Variants in DIP2C observed in about 807,000 individuals in gnomAD.
DIP2C encodes DIP2 acetate--CoA ligase C (putative).
Under a neutral mutation model 192.4 loss-of-function variants are expected in DIP2C, and 33 were observed. That is an observed-to-expected ratio of 0.17 (90% CI 0.13 to 0.23). The LOEUF (loss-of-function observed/expected upper bound fraction) is 0.23. Among genes scored for constraint, DIP2C ranks in the 10% least tolerant of loss-of-function variants. The pLI is 1.00. For synonymous variants in DIP2C, 979 were observed against 864.1 expected (o/e 1.13, Z -2.33); for missense variants, 1,537 against 2,110.1 (o/e 0.73, Z 5.32).
At chr10:551,278 C>T (rs901821082) in intron 1 of DIP2C, among the ~76,000 whole-genome samples, 1 of 152,102 alleles carries the variant, frequency 6.6e-6, no homozygotes, top group Non-Finnish European at 1.5e-5. Context: ...GCCCTGGCTG[C>T]CGCCCACCCC....
chr10:282,724 T>C (rs1954899271), intron 35 of DIP2C, among the ~76,000 whole-genome samples: 1 of 152,242 alleles, frequency 6.6e-6, no homozygotes, highest in Admixed American at 6.5e-5. Context: ...ACCTGGCTGC[T>C]CCACACCAGG....
chr10:655,117 G>A (rs1029688957), intron 1 of DIP2C, among the ~76,000 whole-genome samples: 1 of 152,090 alleles, frequency 6.6e-6, no homozygotes, highest in African/African-American at 2.4e-5. Context: ...GGAATGGGGT[G>A]GAGCCACCAG....
intron 14 of DIP2C, 95 bp from the exon 15 acceptor site, chr10:384,734 G>C (rs1051346159): frequency 8.0e-7 from 1 of 1,251,720 alleles, no homozygotes. Flanking sequence ...CGCACGGGCA[G>C]GGGGGAGCTC....
At chr10:369,901 C>CT in intron 17 of DIP2C, 2 of 1,358,942 alleles carry the variant, frequency 1.5e-6, no homozygotes, top group South Asian at 1.5e-5. Flanking sequence ...CTCCTGCCCC[C>CT]TCTATGCAGG....
At chr10:297,612 G>C (rs1452971686) in intron 32 of DIP2C, among the ~76,000 whole-genome samples, 1 of 152,206 alleles carries the variant, frequency 6.6e-6, no homozygotes, top group African/African-American at 2.4e-5. Context: ...ATATGTGGAA[G>C]CTAAAGAAAG....
In DIP2C at chr10:551,539, C is replaced by A. The variant is rs552320776; in HGVS notation, c.86-65009G>T. On this transcript the variant is annotated intron_variant, in intron 1 of 36. Transcript: ENST00000280886. The stretch of plus-strand genomic sequence containing the variant: ...TCAAGAGGAAGGAGGCCTCGGTGCA[C>A]AAACCCACAAGTGCCTTCCCTCCTG... 5.3e-3 allele frequency among the ~76,000 whole-genome samples: 803 copies of A among 152,352 alleles called. 9 individuals are homozygous for A. Among genetic ancestry groups the A allele is most frequent in the African/African-American group, 0.018 (754 of 41,584 alleles).
intron 31 of DIP2C, among the ~76,000 whole-genome samples, chr10:313,632 G>A (rs1249751371): frequency 2.0e-5 from 3 of 152,224 alleles, no homozygotes; most frequent in Non-Finnish European, 4.4e-5. Context: ...TGCAAATGCT[G>A]CGCCATTTTC....
chr10:346,633 A>G (rs1958482977), intron 26 of DIP2C, among the ~76,000 whole-genome samples: 1 of 141,646 alleles, frequency 7.1e-6, no homozygotes, highest in African/African-American at 2.7e-5. Context: ...CGGGAACCCC[A>G]CACTCACCCA....
At chr10:460,412 A>G (rs1441006550) in intron 3 of DIP2C, among the ~76,000 whole-genome samples, 1 of 152,244 alleles carries the variant, frequency 6.6e-6, no homozygotes, top group Non-Finnish European at 1.5e-5. Flanking sequence ...CTATTTATAA[A>G]GAGAAGATAT....
intron 1 of DIP2C, among the ~76,000 whole-genome samples, chr10:531,500 C>T (rs1564823458): frequency 6.6e-6 from 1 of 152,082 alleles, no homozygotes; most frequent in Non-Finnish European, 1.5e-5. Flanking sequence ...TGCAAAGAAT[C>T]GAGGTATCAT....
At chr10:583,048 A>T (rs1425050640) in intron 1 of DIP2C, among the ~76,000 whole-genome samples, 1 of 152,204 alleles carries the variant, frequency 6.6e-6, no homozygotes, top group Non-Finnish European at 1.5e-5. Flanking sequence ...ACATATTTTC[A>T]CATGTATTAC....
At chr10:422,317 G>A (rs1966246321) in intron 5 of DIP2C, among the ~76,000 whole-genome samples, 1 of 152,148 alleles carries the variant, frequency 6.6e-6, no homozygotes, top group Non-Finnish European at 1.5e-5. Context: ...TCCACAGCAT[G>A]TTCAAACGTC....
chr10:301,421 C>T (rs1956041415), intron 32 of DIP2C, among the ~76,000 whole-genome samples: 1 of 152,010 alleles, frequency 6.6e-6, no homozygotes, highest in Admixed American at 6.6e-5. Context: ...TGGAGGGGGT[C>T]AGGAGAAAAG....
chr10:671,590 G>A (rs1436193550), intron 1 of DIP2C, among the ~76,000 whole-genome samples: 4 of 74,958 alleles, frequency 5.3e-5, no homozygotes, highest in African/African-American at 2.4e-4. Flanking sequence ...CGGAGGAAAC[G>A]TCACAGACGC....
intron 32 of DIP2C, among the ~76,000 whole-genome samples, chr10:304,766 TAC>T (rs891347575): frequency 3.5e-5 from 5 of 144,860 alleles, no homozygotes; most frequent in African/African-American, 5.1e-5. Flanking sequence ...AACAGTACAC[TAC>T]ACTCACACAT....
intron 24 of DIP2C, among the ~76,000 whole-genome samples, chr10:351,837 T>G (rs1036284376): frequency 6.6e-6 from 1 of 152,184 alleles, no homozygotes; most frequent in Non-Finnish European, 1.5e-5. Flanking sequence ...CAACGTCCTC[T>G]GAGCTCTTCA....
intron 32 of DIP2C, among the ~76,000 whole-genome samples, chr10:295,987 T>C (rs1955736275): frequency 6.6e-6 from 1 of 152,236 alleles, no homozygotes; most frequent in African/African-American, 2.4e-5. Flanking sequence ...TTCTTGTAAA[T>C]TTGTTTAAGT....
Position 624,530 on chromosome 10 carries a change from C to G in DIP2C, c.85+64964G>C, listed in dbSNP as rs573703762. Among the ~76,000 whole-genome samples, 26 of 152,330 alleles carry G rather than the reference C, an allele frequency of 1.7e-4. 1 individual carries two copies. The South Asian group carries it at 5.4e-3, about 32-fold the overall frequency. Reference sequence around the variant, plus strand: ...AGTGCCTTTCTAGGGTGTACGAACACAAAGTGGGGCCTTGAGTGGCTTGGA... The same window carrying G: ...AGTGCCTTTCTAGGGTGTACGAACAGAAAGTGGGGCCTTGAGTGGCTTGGA... On this transcript the variant is annotated intron_variant, in intron 1 of 36. Transcript: ENST00000280886.
intron 1 of DIP2C, among the ~76,000 whole-genome samples, chr10:529,527 T>C (rs765429145): frequency 2.0e-5 from 3 of 152,140 alleles, no homozygotes; most frequent in Non-Finnish European, 4.4e-5. Context: ...AGCCATAAAG[T>C]AGTGAGCTAT....
Sources: gnomAD v4.1 joint callset for allele counts (sites outside exome capture counted in the v4.1 genomes callset) on GRCh38, gnomAD v4.1.1 for gene constraint, MANE v1.5 for transcripts, NCBI Gene and HGNC (gene_info 2026-07-23, HGNC 2026-07-21) for gene names.